The following ANK3 variants were observed in gnomAD, a reference collection of about 807,000 sequenced individuals.
ANK3 encodes the protein ankyrin-3.
A neutral mutation model predicts 370.9 loss-of-function variants in ANK3; 57 were observed. That is an observed-to-expected ratio of 0.15 (90% CI 0.12 to 0.19). The LOEUF (loss-of-function observed/expected upper bound fraction) is 0.19. ANK3 is among the 10% of genes least tolerant of loss of function. The pLI is 1.00. For synonymous variants in ANK3, 1,929 were observed against 1,946.3 expected (o/e 0.99, Z 0.23); for missense variants, 4,439 against 5,302.1 (o/e 0.84, Z 5.06).
At chr10:60,546,344 C>A (rs1260194428) in intron 2 of ANK3, among the ~76,000 whole-genome samples, 1 of 152,118 alleles carries the variant, frequency 6.6e-6, no homozygotes, top group Non-Finnish European at 1.5e-5. Context: ...TCTGGATAGT[C>A]TTTTTATAAT....
chr10:60,731,432 A>G (rs1335640421), intron 1 of ANK3, among the ~76,000 whole-genome samples: 1 of 152,186 alleles, frequency 6.6e-6, no homozygotes, highest in East Asian at 1.9e-4. Context: ...ATTATGAAAC[A>G]TATTTATTTA....
rs552274653 is a variant in ANK3 at position 60,579,174 on chromosome 10, A to C, written c.96+36012T>G. Among the ~76,000 whole-genome samples the C allele has an allele frequency of 1.8e-4, 28 of 151,790 alleles. No homozygotes were observed. In the East Asian group the frequency reaches 5.4e-3, roughly 30 times the overall value. On this transcript the variant is annotated intron_variant, in intron 2 of 43. Transcript: ENST00000373827. ...ACCCCGTCTCTACTAAAAATACAAAAATTTGCTGGAAGTGGTGGCACGCAC... is the reference window on the plus strand; with the variant it reads ...ACCCCGTCTCTACTAAAAATACAAACATTTGCTGGAAGTGGTGGCACGCAC...
chr10:60,502,513 C>G (rs1456349168), intron 2 of ANK3, among the ~76,000 whole-genome samples: 1 of 152,144 alleles, frequency 6.6e-6, no homozygotes, highest in East Asian at 1.9e-4. Context: ...GGCAGAATAT[C>G]TGGCATTAAA....
intron 2 of ANK3, among the ~76,000 whole-genome samples, chr10:60,474,342 T>C (rs1249821162): frequency 6.6e-6 from 1 of 152,060 alleles, no homozygotes; most frequent in East Asian, 1.9e-4. Context: ...AACTTAGAGA[T>C]CTTTATGGGA....
intron 25 of ANK3, among the ~76,000 whole-genome samples, chr10:60,121,702 A>C (rs2093486942): frequency 6.6e-6 from 1 of 152,066 alleles, no homozygotes; most frequent in Non-Finnish European, 1.5e-5. Context: ...AAAAAAAAAA[A>C]AAAAGTATAA....
chr10:60,191,919 A>G (rs2096488989), intron 16 of ANK3, among the ~76,000 whole-genome samples: 1 of 151,174 alleles, frequency 6.6e-6, no homozygotes, highest in African/African-American at 2.4e-5. Context: ...CTTTTTTATT[A>G]TTTTTTTGAG....
At chr10:60,106,118 T>C (rs986945632) in intron 27 of ANK3, 59 bp from the exon 28 acceptor site, 4 of 1,433,456 alleles carry the variant, frequency 2.8e-6, no homozygotes, top group Admixed American at 5.2e-5. Flanking sequence ...AGTATCATAC[T>C]TAAAAAATGT....
Position 60,026,927 on chromosome 10 carries a change from G to T in ANK3, c.*2919C>A, listed in dbSNP as rs1402331420. The stretch of plus-strand genomic sequence containing the variant: ...AGCTTAAATACATATTTATAAGCTG[G>T]CAGGCCAAATATTATGTTAGAAATA... On this transcript the variant is annotated 3_prime_UTR_variant, in exon 44 of 44. Transcript: ENST00000280772. 1 of 152,004 alleles carries T rather than the reference G, an allele frequency of 6.6e-6. No homozygotes were observed. Among genetic ancestry groups the T allele is most frequent in the African/African-American group, 2.4e-5 (1 of 41,392 alleles). 9.4% of individuals were successfully genotyped at this position (152,004 alleles called of 1,614,324 possible).
At chr10:60,471,389 C>A (rs1273898020) in intron 2 of ANK3, among the ~76,000 whole-genome samples, 3 of 152,106 alleles carry the variant, frequency 2.0e-5, no homozygotes, top group Admixed American at 1.3e-4. Context: ...CAGTTGGTAT[C>A]ATTTTTCCAG....
At chr10:60,673,801 C>G (rs1347464748) in intron 1 of ANK3, among the ~76,000 whole-genome samples, 1 of 152,244 alleles carries the variant, frequency 6.6e-6, no homozygotes, top group East Asian at 1.9e-4. Flanking sequence ...ACCCTCCTCT[C>G]TCTTCCCCTA....
intron 2 of ANK3, among the ~76,000 whole-genome samples, chr10:60,527,000 C>T (rs1256660569): frequency 6.6e-6 from 1 of 152,064 alleles, no homozygotes; most frequent in African/African-American, 2.4e-5. Flanking sequence ...CGTATATATA[C>T]ATACATGTAT....
chr10:60,483,617 A>T (rs539546181), intron 2 of ANK3, among the ~76,000 whole-genome samples: 49 of 152,220 alleles, frequency 3.2e-4, no homozygotes, highest in African/African-American at 1.1e-3. Context: ...ATTTTATATC[A>T]ATGTGTAATA....
chr10:60,495,184 CT>C (rs2075622416), intron 2 of ANK3, among the ~76,000 whole-genome samples: 1 of 147,340 alleles, frequency 6.8e-6, no homozygotes, highest in Non-Finnish European at 1.5e-5. Context: ...TTTTAAGAAG[CT>C]TTTCTAAAGT....
chr10:60,109,197 CA>C, intron 26 of ANK3, 143 bp from the exon 27 acceptor site: 1 of 671,594 alleles, frequency 1.5e-6, no homozygotes, highest in Non-Finnish European at 2.5e-6. Flanking sequence ...GAAGTCAATA[CA>C]GTGGAGTCAC....
chr10:60,564,083 AG>A (rs1307135268), intron 2 of ANK3, among the ~76,000 whole-genome samples: 1 of 152,192 alleles, frequency 6.6e-6, no homozygotes, highest in Non-Finnish European at 1.5e-5. Flanking sequence ...TAAGTACTGG[AG>A]GAGTCAAAAT....
At position 60,088,243 on chromosome 10, in the gene ANK3, A is replaced by C. The variant is rs973865043; in HGVS notation, c.3444T>G (p.Gly1148=). ...SRIKQESNQI[G]PEGGILSSTT... is the part of the protein sequence containing the mutation. ...TGCTGCTCAGAATTCCACCTTCAGG[A>C]CCAATCTGGTTGCTTTCCTGCTTAA... Residue 1148 remains glycine, a synonymous_variant, in exon 29 of 44, where the codon GGT becomes GGG. Coordinates refer to ENST00000280772, the MANE Select transcript of ANK3 (RefSeq NM_020987.5). 1 of 1,614,052 alleles carries C rather than the reference A, an allele frequency of 6.2e-7. No individual in the cohort carries two copies. The highest frequency in any genetic ancestry group is 1.3e-5 in the African/African-American group (1 of 74,930).
chr10:60,638,647 A>G (rs1201861549), intron 1 of ANK3, among the ~76,000 whole-genome samples: 1 of 152,072 alleles, frequency 6.6e-6, no homozygotes, highest in African/African-American at 2.4e-5. Flanking sequence ...CAAGCCTATA[A>G]AGGAAAATAC....
intron 2 of ANK3, among the ~76,000 whole-genome samples, chr10:60,544,314 T>C (rs2076915805): frequency 6.6e-6 from 1 of 152,136 alleles, no homozygotes; most frequent in Non-Finnish European, 1.5e-5. Context: ...TGCTGTTATA[T>C]AAGAGTTTTA....
intron 2 of ANK3, among the ~76,000 whole-genome samples, chr10:60,422,526 T>G (rs1038737174): frequency 6.6e-6 from 1 of 152,108 alleles, no homozygotes; most frequent in South Asian, 2.1e-4. Context: ...TTTTATAAAG[T>G]TCTTATCTTT....
Sources: gnomAD v4.1 joint callset for allele counts (sites outside exome capture counted in the v4.1 genomes callset) on GRCh38, gnomAD v4.1.1 for gene constraint, MANE v1.5 for transcripts, NCBI Gene and HGNC (gene_info 2026-07-23, HGNC 2026-07-21) for gene names.